Variants in RORA observed in about 807,000 individuals in gnomAD.
RORA encodes nuclear receptor ROR-alpha.
A neutral mutation model predicts 69.5 loss-of-function variants in RORA; 7 were observed. The ratio of observed to expected loss-of-function variants is 0.10; its 90% CI spans 0.06 to 0.19. RORA has a LOEUF of 0.19. Among genes scored for constraint, RORA ranks in the 10% least tolerant of loss-of-function variants. RORA has a pLI of 1.00. For synonymous variants in RORA, 261 were observed against 240.8 expected (o/e 1.08, Z -0.78); for missense variants, 457 against 663.0 (o/e 0.69, Z 3.41).
intron 1 of RORA, among the ~76,000 whole-genome samples, chr15:60,971,342 C>A (rs1566929065): frequency 6.6e-6 from 1 of 152,144 alleles, no homozygotes; most frequent in African/African-American, 2.4e-5. Context: ...GGGAGAAATT[C>A]CTCTCTCATG....
chr15:61,049,823 C>A (rs1267713652), intron 1 of RORA, among the ~76,000 whole-genome samples: 1 of 152,080 alleles, frequency 6.6e-6, no homozygotes, highest in African/African-American at 2.4e-5. Context: ...CCACACCCGG[C>A]TAATTTTTCA....
chr15:61,153,689 G>A (rs1018512330), intron 1 of RORA, among the ~76,000 whole-genome samples: 9 of 152,130 alleles, frequency 5.9e-5, no homozygotes, highest in African/African-American at 1.4e-4. Flanking sequence ...ATGTTCTTCC[G>A]GCTCTAAAAC....
At position 61,218,175 on chromosome 15, in the gene RORA, TTGTGTGTGTGTG is replaced by T. The variant is rs72135304; in HGVS notation, c.166+10866_166+10877del. On this transcript the variant is annotated intron_variant, in intron 1 of 10. Coordinates refer to ENST00000335670, the MANE Select transcript of RORA (RefSeq NM_134261.3). ...AGGGTAAATATTTTACATGAAATGT[TTGTGTGTGTGTG>T]TGTGTGTGTGTGTGTGTGTGTACTA... 8.8e-5 allele frequency among the ~76,000 whole-genome samples: 13 copies of T among 148,396 alleles called. No homozygotes were observed. In the East Asian group the frequency reaches 1.2e-3, roughly 14 times the overall value.
chr15:60,875,904 T>C (rs1159543889), intron 1 of RORA, among the ~76,000 whole-genome samples: 1 of 152,332 alleles, frequency 6.6e-6, no homozygotes, highest in East Asian at 1.9e-4. Context: ...CAGGCTCCAG[T>C]GGACCACCCA....
intron 1 of RORA, among the ~76,000 whole-genome samples, chr15:61,115,048 C>T (rs1373563404): frequency 6.6e-6 from 1 of 152,194 alleles, no homozygotes; most frequent in African/African-American, 2.4e-5. Flanking sequence ...GTTGCGTGTA[C>T]AGTAGGCACT....
chr15:61,209,086 TC>T (rs886308273), intron 1 of RORA, among the ~76,000 whole-genome samples: 2 of 152,232 alleles, frequency 1.3e-5, no homozygotes, highest in Non-Finnish European at 2.9e-5. Context: ...GATGAGTTTT[TC>T]AGAAGCTGAA....
At chr15:61,219,570 G>A (rs556746992) in intron 1 of RORA, among the ~76,000 whole-genome samples, 7 of 148,954 alleles carry the variant, frequency 4.7e-5, no homozygotes, top group Middle Eastern at 3.5e-3. Context: ...GCAAGACTCC[G>A]TCTCAAAATT....
At chr15:60,639,788 T>C (rs868575543) in intron 2 of RORA, among the ~76,000 whole-genome samples, 28 of 152,018 alleles carry the variant, frequency 1.8e-4, no homozygotes, top group African/African-American at 6.0e-4. Flanking sequence ...CATGGGAAGG[T>C]GGTAGAAGAG....
intron 1 of RORA, among the ~76,000 whole-genome samples, chr15:60,793,652 T>C (rs2072449269): frequency 6.6e-6 from 1 of 152,146 alleles, no homozygotes; most frequent in African/African-American, 2.4e-5. Flanking sequence ...AAGCAGAGAG[T>C]AAGGAAGCCT....
intron 1 of RORA, among the ~76,000 whole-genome samples, chr15:61,063,018 A>G (rs1037219044): frequency 2.0e-5 from 3 of 152,248 alleles, no homozygotes; most frequent in Non-Finnish European, 4.4e-5. Context: ...AGATCACAAT[A>G]TAAGGCATGA....
intron 1 of RORA, among the ~76,000 whole-genome samples, chr15:61,092,255 CACTT>C (rs1469111620): frequency 6.6e-6 from 1 of 152,110 alleles, no homozygotes; most frequent in Non-Finnish European, 1.5e-5. Flanking sequence ...ATATGAAACT[CACTT>C]AAAGGCTGGC....
chr15:60,824,654 T>C (rs978718816), intron 1 of RORA, among the ~76,000 whole-genome samples: 1 of 152,178 alleles, frequency 6.6e-6, no homozygotes, highest in African/African-American at 2.4e-5. Context: ...TCCCCATCTA[T>C]AAAATGGGGC....
chr15:61,044,084 A>C (rs1230974631), intron 1 of RORA, among the ~76,000 whole-genome samples: 3 of 152,208 alleles, frequency 2.0e-5, no homozygotes, highest in Non-Finnish European at 4.4e-5. Flanking sequence ...ATTTTAATGA[A>C]GCAGGATGGG....
At chr15:60,575,982 C>A (rs2068013777) in intron 2 of RORA, among the ~76,000 whole-genome samples, 1 of 152,236 alleles carries the variant, frequency 6.6e-6, no homozygotes, top group Admixed American at 6.5e-5. Flanking sequence ...ACCTTCCCAA[C>A]ACCCTCTCCA....
intron 1 of RORA, among the ~76,000 whole-genome samples, chr15:61,066,497 G>A (rs1337367421): frequency 7.2e-6 from 1 of 138,070 alleles, no homozygotes; most frequent in Non-Finnish European, 1.5e-5. Context: ...TGCAATCTCA[G>A]CTCACTGCAA....
intron 1 of RORA, among the ~76,000 whole-genome samples, chr15:61,097,981 G>C (rs1370752712): frequency 6.6e-6 from 1 of 152,138 alleles, no homozygotes; most frequent in Admixed American, 6.5e-5. Flanking sequence ...TTTTCTGCCT[G>C]GTATGTTGGG....
At chr15:60,886,905 C>T (rs1336092444) in intron 1 of RORA, among the ~76,000 whole-genome samples, 1 of 152,198 alleles carries the variant, frequency 6.6e-6, no homozygotes, top group East Asian at 1.9e-4. Flanking sequence ...AATCCCTACC[C>T]TTTGCAAGGA....
intron 1 of RORA, among the ~76,000 whole-genome samples, chr15:61,091,130 T>C (rs1450092872): frequency 2.6e-5 from 4 of 152,198 alleles, no homozygotes; most frequent in Non-Finnish European, 5.9e-5. Context: ...ATAATACTTT[T>C]TGTATCCGAG....
At chr15:61,130,898 A>G (rs2079185066) in intron 1 of RORA, among the ~76,000 whole-genome samples, 1 of 152,262 alleles carries the variant, frequency 6.6e-6, no homozygotes, top group Non-Finnish European at 1.5e-5. Context: ...GTGAGCATCT[A>G]TCTTCACAAT....
Sources: gnomAD v4.1 joint callset for allele counts (sites outside exome capture counted in the v4.1 genomes callset) on GRCh38, gnomAD v4.1.1 for gene constraint, MANE v1.5 for transcripts, NCBI Gene and HGNC (gene_info 2026-07-23, HGNC 2026-07-21) for gene names.